EED: variants seen among roughly 807,000 people sequenced by gnomAD.
EED encodes the protein polycomb protein EED.
In EED, 9 loss-of-function variants were observed where a neutral mutation model predicts 61.0. The ratio of observed to expected loss-of-function variants is 0.15; its 90% CI spans 0.09 to 0.26. The LOEUF is 0.26. Ranked by LOEUF, EED falls within the 10% of genes least tolerant of loss-of-function variation. The pLI, the probability that EED is intolerant of heterozygous loss-of-function variation, is 1.00. For missense variants in EED, 315 were observed against 542.3 expected, an observed-to-expected ratio of 0.58 and a Z score of 4.16; for synonymous variants, 187 against 174.4, an observed-to-expected ratio of 1.07 and a Z score of -0.57.
chr11:86,257,856 A>G (rs970498958), intron 6 of EED, among the ~76,000 whole-genome samples: 5 of 152,158 alleles, frequency 3.3e-5, no homozygotes, highest in African/African-American at 7.2e-5. Context: ...TTTGTGGCCA[A>G]TCTTATTTCA....
intron 9 of EED, among the ~76,000 whole-genome samples, chr11:86,270,455 C>G (rs1946089283): frequency 6.7e-6 from 1 of 150,040 alleles, no homozygotes; most frequent in African/African-American, 2.5e-5. Flanking sequence ...TTCTTTCAGT[C>G]TGTAGCTTGT....
intron 6 of EED, among the ~76,000 whole-genome samples, chr11:86,258,376 C>T (rs1593737900): frequency 6.6e-6 from 1 of 152,004 alleles, no homozygotes; most frequent in East Asian, 1.9e-4. Flanking sequence ...TTGAAATATT[C>T]CCATAAAGGG....
At chr11:86,262,813 CTT>C (rs34817049) in intron 6 of EED, among the ~76,000 whole-genome samples, 2 of 138,724 alleles carry the variant, frequency 1.4e-5, no homozygotes, top group Non-Finnish European at 1.5e-5. Context: ...CCTGGCCTGG[CTT>C]TTTTTTTTTT....
chr11:86,246,475 A>AT (rs773528957), intron 1 of EED, among the ~76,000 whole-genome samples: 25 of 152,248 alleles, frequency 1.6e-4, no homozygotes, highest in Non-Finnish European at 3.2e-4. Flanking sequence ...TAGCTGAAAC[A>AT]TATAATGATG....
intron 9 of EED, among the ~76,000 whole-genome samples, chr11:86,271,436 A>G (rs1466301689): frequency 1.3e-5 from 2 of 152,202 alleles, no homozygotes; most frequent in Admixed American, 6.5e-5. Flanking sequence ...TCTGTAGACT[A>G]TCATGTGATC....
intron 10 of EED, 41 bp from the exon 11 acceptor site, chr11:86,277,877 A>G (rs1946268897): frequency 1.3e-6 from 2 of 1,495,368 alleles, no homozygotes; most frequent in African/African-American, 1.5e-5. Flanking sequence ...AGAACCTGGT[A>G]ATTTTATTAA....
chr11:86,253,679 A>G (rs2138146889), intron 3 of EED, among the ~76,000 whole-genome samples: 1 of 152,308 alleles, frequency 6.6e-6, no homozygotes, highest in East Asian at 1.9e-4. Context: ...GTGATGATAC[A>G]CAGGATCTTC....
chr11:86,254,669 C>G (rs1203161793), intron 3 of EED, among the ~76,000 whole-genome samples: 1 of 151,726 alleles, frequency 6.6e-6, no homozygotes, highest in Admixed American at 6.6e-5. Flanking sequence ...TGTTGCCAGG[C>G]TGGAGTGCAA....
At position 86,268,597 on chromosome 11, in the gene EED, G is replaced by A. The variant is rs1178106533; in HGVS notation, c.966+36G>A. The stretch of plus-strand genomic sequence containing the variant: ...TGCAGTTAAGCTGTACTTCCATCGT[G>A]TGTGTGTGTGTGTGTGTGTGTGTGT... On this transcript the variant is annotated intron_variant, in intron 9 of 11. Transcript: ENST00000263360. 6.4e-6 allele frequency: 4 copies of A among 627,126 alleles called. No individual in the cohort carries two copies. In the South Asian group the frequency reaches 7.2e-5, roughly 11 times the overall value. 38.8% of individuals were successfully genotyped at this position (627,126 alleles called of 1,614,324 possible).
intron 8 of EED, among the ~76,000 whole-genome samples, chr11:86,267,410 ATTATAC>A (rs1020094980): frequency 4.6e-5 from 7 of 152,196 alleles, no homozygotes; most frequent in African/African-American, 1.2e-4. Flanking sequence ...TTCATGGCAT[ATTATAC>A]TTATACAGCT....
intron 3 of EED, among the ~76,000 whole-genome samples, chr11:86,253,889 A>G (rs1239622180): frequency 6.6e-6 from 1 of 151,788 alleles, no homozygotes; most frequent in Non-Finnish European, 1.5e-5. Context: ...CTCTACTAAA[A>G]ACACAAAAAT....
Position 86,246,919 on chromosome 11 carries a change from A to G in EED, c.114+1576A>G, listed in dbSNP as rs1220719777. Reference sequence around the variant, plus strand: ...AGTATTTGTAAGCATTAAATGAGTTAATATAGCTAAAGTACTAAGAAGAGT... The same window carrying G: ...AGTATTTGTAAGCATTAAATGAGTTGATATAGCTAAAGTACTAAGAAGAGT... On this transcript the variant is annotated intron_variant, in intron 1 of 11. Transcript: ENST00000263360. Among the ~76,000 whole-genome samples, 3 of 152,216 alleles carry G rather than the reference A, an allele frequency of 2.0e-5. No homozygotes were observed. The East Asian group carries it at 5.8e-4, about 29-fold the overall frequency.
rs769990056 is a variant in EED, at chr11:86,266,115, C to T, written c.759C>T (p.Ser253=). The change falls in exon 8 of 12, where the codon TCC becomes TCT. Residue 253 remains serine (S), a synonymous_variant. Transcript: ENST00000263360. ...ATCTTTTGGGTGAAAAAATAATGTC[C>T]TGTGGTATGGATCATTCTCTTAAAC... is the stretch of plus-strand genomic sequence containing the variant. ...DYDLLGEKIM[S]CGMDHSLKLW... 1 of 1,604,718 alleles carries T rather than the reference C, an allele frequency of 6.2e-7. No homozygotes were observed.
At position 86,278,535 on chromosome 11, in the gene EED, G is replaced by C. The variant is rs545458979; in HGVS notation, c.*10G>C. The C allele has an allele frequency of 6.2e-7, 1 of 1,612,166 alleles. No individual in the cohort carries two copies. The highest frequency in any genetic ancestry group is 1.1e-5 in the South Asian group (1 of 90,908). The stretch of plus-strand genomic sequence containing the variant: ...GGATCGACTTCGATAAAATACTTTT[G>C]CCTAATCAAAATTAGAGTGTGTTTG... On this transcript the variant is annotated 3_prime_UTR_variant, in exon 12 of 12. Coordinates refer to ENST00000263360, the MANE Select transcript of EED (RefSeq NM_003797.5).
At chr11:86,259,033 A>AT (rs1555178029) in intron 6 of EED, among the ~76,000 whole-genome samples, 3 of 150,426 alleles carry the variant, frequency 2.0e-5, no homozygotes, top group African/African-American at 2.4e-5. Flanking sequence ...TGCCTGGCTA[A>AT]TTTTTTTTAT....
At chr11:86,277,863 C>T in intron 10 of EED, 55 bp from the exon 11 acceptor site, 1 of 1,482,360 alleles carries the variant, frequency 6.7e-7, no homozygotes, top group South Asian at 1.4e-5. Flanking sequence ...TCCTCCAATG[C>T]TTTAGAACCT....
At chr11:86,265,088 A>G (rs902060146) in intron 7 of EED, 3 of 152,186 alleles carry the variant, frequency 2.0e-5, no homozygotes, top group Non-Finnish European at 4.4e-5. Flanking sequence ...TATGTGTGTA[A>G]AAGCCAAGTG....
chr11:86,278,967 CAG>C (rs1475713557), downstream of EED, among the ~76,000 whole-genome samples: 4 of 152,092 alleles, frequency 2.6e-5, no homozygotes, highest in African/African-American at 9.7e-5. Flanking sequence ...GTGTATAAAA[CAG>C]GGATAATAAT....
intron 9 of EED, chr11:86,270,140 A>C: frequency 2.9e-6 from 2 of 700,940 alleles, no homozygotes; most frequent in South Asian, 3.0e-5. Flanking sequence ...AGTGTCTCCG[A>C]ATCTTCGCCA....
Sources: allele counts gnomAD v4.1 joint callset (sites outside exome capture counted in the v4.1 genomes callset), GRCh38; gene constraint gnomAD v4.1.1; transcripts MANE v1.5; gene names NCBI Gene and HGNC (gene_info 2026-07-23, HGNC 2026-07-21).